The following SLC22A7 variants were observed in gnomAD, a reference collection of about 807,000 sequenced individuals.
SLC22A7 encodes the protein solute carrier family 22 member 7, also known as hOAT2.
SLC22A7 carries 48 observed loss-of-function variants against 62.2 expected under a neutral mutation model. The ratio of observed to expected loss-of-function variants is 0.77; its 90% CI spans 0.61 to 0.98. The LOEUF (loss-of-function observed/expected upper bound fraction) is 0.98, where lower values mean the gene tolerates loss of function less well. SLC22A7 is among the 50% of genes least tolerant of loss of function. The probability of loss-of-function intolerance (pLI) is 0.00; values close to 1 mark genes in which losing one functional copy is unlikely to be tolerated. For missense variants in SLC22A7, 581 were observed against 703.8 expected (o/e 0.83, Z 1.97); for synonymous variants, 276 against 314.8 (o/e 0.88, Z 1.30).
In SLC22A7 at chr6:43,302,881, AT is replaced by A; in HGVS notation, c.1385+123del. The A allele has an allele frequency of 1.3e-6, 1 of 754,768 alleles. No homozygotes were observed. The highest frequency in any genetic ancestry group is 2.1e-6 in the Non-Finnish European group (1 of 467,026). The allele number at this position is 754,768 out of a possible 1,614,324, so 46.8% of individuals were successfully genotyped here. ...CTCACTCATTTTTTTTTTAATTTTA[AT>A]TTTTGGTAGAGACGGGGTCTTGCTA... On this transcript the variant is annotated intron_variant, in intron 9 of 10. Transcript: ENST00000372585. The surrounding 1 kb of genome is among the most constrained non-coding windows in gnomAD (Gnocchi z 5.0).
chr6:43,301,122 T>C lies in SLC22A7; in HGVS notation c.828-13T>C. On this transcript the variant is annotated splice_polypyrimidine_tract_variant and intron_variant, in intron 5 of 10. Transcript: ENST00000372585. ...ATGACTTTCTGGCTGATGGACCTTC[T>C]GCCTATTCCTAGGTGGGTGCCTGAG... 6.2e-7 allele frequency: 1 copy of C among 1,614,144 alleles called. No individual in the cohort carries two copies. Among genetic ancestry groups the C allele is most frequent in the Non-Finnish European group, 8.5e-7 (1 of 1,180,004 alleles).
At chr6:43,297,370 C>T (rs1582541635), upstream of SLC22A7, among the ~76,000 whole-genome samples, 2 of 152,160 alleles carry the variant, frequency 1.3e-5, no homozygotes, top group Admixed American at 1.3e-4. Flanking sequence ...AGTGGGTCTG[C>T]CAGCTAAGTG....
At chr6:43,303,208 C>T (rs1015858545) in intron 9 of SLC22A7, 34 of 977,432 alleles carry the variant, frequency 3.5e-5, no homozygotes, top group Non-Finnish European at 4.0e-5. Context: ...CGCCTGTAAT[C>T]CCAGCATTTT....
chr6:43,300,047 C>T lies in SLC22A7; in HGVS notation c.808C>T (p.Pro270Ser), dbSNP rs764361999. The T allele has an allele frequency of 1.9e-6, 3 of 1,614,016 alleles. No individual in the cohort carries two copies. The South Asian group carries it at 3.3e-5, about 18-fold the overall frequency. Residue 270 changes from proline to serine, a missense_variant, in exon 5 of 11, where the codon CCA becomes TCA. Transcript: ENST00000372585. Reference protein sequence around the residue: ...LLLAVTLPCAPGILSLWWVPE... With the variant: ...LLLAVTLPCASGILSLWWVPE... Reference sequence around the variant, plus strand: ...GCTAGCTGTCACCCTGCCTTGTGCCCCAGGCATCCTCAGCCTCTGGTGAGG... The same window carrying T: ...GCTAGCTGTCACCCTGCCTTGTGCCTCAGGCATCCTCAGCCTCTGGTGAGG...
chr6:43,301,835 T>C, intron 7 of SLC22A7, 143 bp downstream of exon 7: 1 of 630,532 alleles, frequency 1.6e-6, no homozygotes, highest in Non-Finnish European at 2.7e-6. Flanking sequence ...ATGGGCGATC[T>C]GCCTGGGGAA....
rs1276201607 is a variant in SLC22A7 at position 43,299,993 on chromosome 6, T to C, written c.754T>C (p.Tyr252His). 2 of 1,614,134 alleles carry C rather than the reference T, an allele frequency of 1.2e-6. No individual in the cohort carries two copies. Among genetic ancestry groups the C allele is most frequent in the Middle Eastern group, 1.6e-4 (1 of 6,062 alleles). ...GGVMLLALVGYLIRDWRWLLL... is the reference protein window; with the variant it reads ...GGVMLLALVGHLIRDWRWLLL... ...CGTGATGCTGCTGGCACTGGTTGGG[T>C]ACCTGATACGGGACTGGCGATGGCT... Residue 252 changes from tyrosine (Y) to histidine (H), a missense_variant, in exon 5 of 11, where the codon TAC (tyrosine) becomes CAC (histidine). Coordinates refer to ENST00000372585, the MANE Select transcript of SLC22A7 (RefSeq NM_153320.2). The surrounding 1 kb of genome is among the most constrained non-coding windows in gnomAD (Gnocchi z 4.4).
At chr6:43,296,312 C>A (rs1371949987), upstream of SLC22A7, among the ~76,000 whole-genome samples, 1 of 152,200 alleles carries the variant, frequency 6.6e-6, no homozygotes, top group Non-Finnish European at 1.5e-5. Context: ...AGAGAAATTC[C>A]CATTGTGAAA....
chr6:43,297,707 G>T (rs770631041), upstream of SLC22A7, among the ~76,000 whole-genome samples: 1 of 152,198 alleles, frequency 6.6e-6, no homozygotes, highest in Non-Finnish European at 1.5e-5. Context: ...GAGTGAAGTG[G>T]GAATGGGATG....
At position 43,298,352 on chromosome 6, in the gene SLC22A7, G is replaced by A. The variant is rs374327233; in HGVS notation, c.-7G>A. 6.4e-5 allele frequency: 102 copies of A among 1,604,482 alleles called. No individual in the cohort carries two copies. The highest frequency in any genetic ancestry group is 7.7e-5 in the Non-Finnish European group (90 of 1,174,342). ...GCTGCACCTGAAGCATTTGGTGGGT[G>A]AGCAGCATGGGCTTTGAGGAGCTGC... On this transcript the variant is annotated 5_prime_UTR_variant, in exon 1 of 11. Transcript: ENST00000372585.
Position 43,299,425 on chromosome 6 carries a change from A to T in SLC22A7, c.435A>T (p.Arg145Ser). The T allele has an allele frequency of 1.2e-6, 2 of 1,614,136 alleles. No individual in the cohort carries two copies. The highest frequency in any genetic ancestry group is 1.7e-6 in the Non-Finnish European group (2 of 1,180,014). The change falls in exon 3 of 11, where the codon AGA becomes AGT. Residue 145 changes from arginine to serine, a missense_variant. Arg to Ser is a moderately radical substitution (Grantham distance 110). Coordinates refer to ENST00000372585, the MANE Select transcript of SLC22A7 (RefSeq NM_153320.2). The surrounding 1 kb of genome is among the most constrained non-coding windows in gnomAD (Gnocchi z 4.4). ...DLVCEQKGLN[R>S]AASTFFFAGV... ...TGTGTGAGCAGAAAGGTCTGAACAG[A>T]GCTGCGTCCACTTTCTTCTTCGCCG...
chr6:43,297,962 C>G (rs1169164478), upstream of SLC22A7: 2 of 169,160 alleles, frequency 1.2e-5, no homozygotes, highest in African/African-American at 2.4e-5. Flanking sequence ...GGAGAGCTGG[C>G]CCCAGGCCCC....
intron 9 of SLC22A7, among the ~76,000 whole-genome samples, chr6:43,303,488 A>C (rs993072109): frequency 1.4e-5 from 2 of 147,832 alleles, no homozygotes; most frequent in Non-Finnish European, 3.0e-5. Flanking sequence ...AAAATTAAAT[A>C]ATAATAATAA....
chr6:43,299,362 G>A lies in SLC22A7; in HGVS notation c.400-28G>A. 1 of 1,613,006 alleles carries A rather than the reference G, an allele frequency of 6.2e-7. No individual in the cohort carries two copies. The highest frequency in any genetic ancestry group is 2.2e-5 in the East Asian group (1 of 44,880). On this transcript the variant is annotated intron_variant, in intron 2 of 10. Transcript: ENST00000372585. The surrounding 1 kb of genome is among the most constrained non-coding windows in gnomAD (Gnocchi z 4.4). Reference sequence around the variant, plus strand: ...TGCTGGAGAGGGGCTGATGTTCATAGGAGGTCCCTTTCTGCCTGTCCTTGC... The same window carrying A: ...TGCTGGAGAGGGGCTGATGTTCATAAGAGGTCCCTTTCTGCCTGTCCTTGC...
Position 43,298,699 on chromosome 6 carries a change from C to A in SLC22A7, c.341C>A (p.Ser114Tyr), listed in dbSNP as rs1342636711. The change falls in exon 1 of 11, where the codon TCT becomes TAT. Residue 114 changes from serine (S) to tyrosine (Y), a missense_variant. Physicochemically the swap from Ser to Tyr is moderately radical, Grantham distance 144. Transcript: ENST00000372585. ...GATGAACCTGCCACAGTGCCCTGCTCTCAGGGCTGGGAGTACGACCACTCA... is the reference window on the plus strand; with the variant it reads ...GATGAACCTGCCACAGTGCCCTGCTATCAGGGCTGGGAGTACGACCACTCA... ...LEDEPATVPCSQGWEYDHSEF... is the reference protein window; with the variant it reads ...LEDEPATVPCYQGWEYDHSEF... 6.5e-7 allele frequency: 1 copy of A among 1,542,860 alleles called. No homozygotes were observed. Among genetic ancestry groups the A allele is most frequent in the Non-Finnish European group, 8.7e-7 (1 of 1,143,974 alleles).
Position 43,298,313 on chromosome 6 carries a change from G to C in SLC22A7, c.-46G>C. The C allele has an allele frequency of 1.3e-6, 2 of 1,536,688 alleles. No homozygotes were observed. The highest frequency in any genetic ancestry group is 1.8e-6 in the Non-Finnish European group (2 of 1,127,664). On this transcript the variant is annotated 5_prime_UTR_variant, in exon 1 of 11. Transcript: ENST00000372585. ...TGTGGTGGGCAGTTTGAGCTGGCTG[G>C]ATACTAGAGGGAGGCTGCACCTGAA...
chr6:43,304,194 G>A lies in SLC22A7; in HGVS notation c.1542G>A (p.Glu514=), dbSNP rs1373059521. The change falls in exon 10 of 11, where the codon GAG becomes GAA. Residue 514 remains glutamate, a synonymous_variant. Transcript: ENST00000372585. ...CCGGCACCGCCCTCCTGCTGCCAGAGACGAGGCAGGCACAGCTGCCAGAGA... is the reference window on the plus strand; with the variant it reads ...CCGGCACCGCCCTCCTGCTGCCAGAAACGAGGCAGGCACAGCTGCCAGAGA... ...LAAGTALLLP[E]TRQAQLPETI... 6.3e-7 allele frequency: 1 copy of A among 1,593,636 alleles called. No individual in the cohort carries two copies. Among genetic ancestry groups the A allele is most frequent in the Non-Finnish European group, 8.6e-7 (1 of 1,168,502 alleles).
At chr6:43,298,143 C>T (rs56927599), upstream of SLC22A7, 621 of 541,398 alleles carry the variant, frequency 1.1e-3, 3 homozygotes, top group African/African-American at 0.01. Flanking sequence ...GCTTCCCCTT[C>T]CCCCAGGCAC....
At chr6:43,296,432 T>C (rs1778565587), upstream of SLC22A7, among the ~76,000 whole-genome samples, 1 of 152,202 alleles carries the variant, frequency 6.6e-6, no homozygotes, top group Non-Finnish European at 1.5e-5. Context: ...GACATGGAGA[T>C]GGGGTGACCA....
At position 43,299,157 on chromosome 6, in the gene SLC22A7, G is replaced by A; in HGVS notation, c.399+60G>A. Reference sequence around the variant, plus strand: ...GTCGGTGGAGGCAGTCTCCCTGGGAGGCAGCAGGTCGAGGCCTTCCTTGGG... The same window carrying A: ...GTCGGTGGAGGCAGTCTCCCTGGGAAGCAGCAGGTCGAGGCCTTCCTTGGG... On this transcript the variant is annotated intron_variant, in intron 2 of 10. Coordinates refer to ENST00000372585, the MANE Select transcript of SLC22A7 (RefSeq NM_153320.2). This position sits in a 1 kb window ranked among gnomAD's most constrained non-coding sequence, Gnocchi z 4.4. 1 of 1,614,164 alleles carries A rather than the reference G, an allele frequency of 6.2e-7. No homozygotes were observed. Among genetic ancestry groups the A allele is most frequent in the Admixed American group, 1.7e-5 (1 of 60,028 alleles).
Sources: allele counts gnomAD v4.1 joint callset (sites outside exome capture counted in the v4.1 genomes callset), GRCh38; gene constraint gnomAD v4.1.1; non-coding constraint Gnocchi (gnomAD v3.1); transcripts MANE v1.5; gene names NCBI Gene and HGNC (gene_info 2026-07-23, HGNC 2026-07-21).